The following ASNS variants were observed in gnomAD, a reference collection of about 807,000 sequenced individuals.
ASNS encodes asparagine synthetase [glutamine-hydrolyzing].
In ASNS, 37 loss-of-function variants were observed where a neutral mutation model predicts 62.6. That is an observed-to-expected ratio of 0.59 (90% CI 0.45 to 0.78). The LOEUF (loss-of-function observed/expected upper bound fraction) is 0.78, where lower values mean the gene tolerates loss of function less well. Ranked by LOEUF, ASNS falls within the 30% of genes least tolerant of loss-of-function variation. ASNS has a pLI of 0.00. For missense variants in ASNS, 520 were observed against 682.4 expected (o/e 0.76, Z 2.65); for synonymous variants, 207 against 237.9 (o/e 0.87, Z 1.19).
chr7:97,909,651 G>A, the ASNS span, among the ~76,000 whole-genome samples: 3 of 152,068 alleles, frequency 2.0e-5, no homozygotes, highest in East Asian at 1.9e-4. Flanking sequence ...TACCCACTCC[G>A]CAGAAGTCAG....
chr7:97,866,129 T>A (rs2394741), intron 3 of ASNS, among the ~76,000 whole-genome samples: 1 of 152,088 alleles, frequency 6.6e-6, no homozygotes, highest in African/African-American at 2.4e-5. Flanking sequence ...AACGTGTCTT[T>A]TGCAACTATA....
chr7:97,924,126 C>T, the ASNS span, among the ~76,000 whole-genome samples: 1 of 152,118 alleles, frequency 6.6e-6, no homozygotes, highest in Non-Finnish European at 1.5e-5. Context: ...CAGGGCAACA[C>T]AGCCCGCACT....
At chr7:97,927,081 T>G in the ASNS span, among the ~76,000 whole-genome samples, 13 of 122,986 alleles carry the variant, frequency 1.1e-4, no homozygotes, top group African/African-American at 4.3e-4. Flanking sequence ...CTTTTTTTTT[T>G]TTTTTTTTTT....
At chr7:97,900,240 T>C in the ASNS span, among the ~76,000 whole-genome samples, 1 of 150,824 alleles carries the variant, frequency 6.6e-6, no homozygotes, top group African/African-American at 2.4e-5. Context: ...CAGGTGCCTA[T>C]AATCCCAGCT....
chr7:97,857,879 G>C (rs1469758115), intron 7 of ASNS, among the ~76,000 whole-genome samples: 1 of 151,946 alleles, frequency 6.6e-6, no homozygotes, highest in African/African-American at 2.4e-5. Context: ...AGCCTGGCTA[G>C]TTTTTGTATT....
At chr7:97,873,806 G>A (rs1042633542), upstream of ASNS, among the ~76,000 whole-genome samples, 3 of 144,244 alleles carry the variant, frequency 2.1e-5, no homozygotes, top group Admixed American at 2.1e-4. Context: ...CTTGTGCTGC[G>A]TATCTCCTGC....
chr7:97,917,042 C>T, the ASNS span, among the ~76,000 whole-genome samples: 1 of 152,072 alleles, frequency 6.6e-6, no homozygotes, highest in Non-Finnish European at 1.5e-5. Flanking sequence ...CCTACAGACA[C>T]TTGGAGAGTC....
intron 1 of ASNS, chr7:97,871,923 C>T (rs1197111228): frequency 6.6e-6 from 1 of 152,250 alleles, no homozygotes; most frequent in Non-Finnish European, 1.5e-5. Context: ...CACGCGACAC[C>T]TGACTGCGCC....
upstream of ASNS, among the ~76,000 whole-genome samples, chr7:97,876,215 G>T (rs1792435525): frequency 6.6e-6 from 1 of 152,156 alleles, no homozygotes; most frequent in African/African-American, 2.4e-5. Context: ...AGGACTGTAT[G>T]ATGTGAAGGT....
At chr7:97,897,621 A>G in the ASNS span, among the ~76,000 whole-genome samples, 5 of 152,262 alleles carry the variant, frequency 3.3e-5, no homozygotes, top group African/African-American at 1.2e-4. Flanking sequence ...GCTGGCAAGC[A>G]TGTGAAGAAA....
At chr7:97,866,533 G>A (rs1394552129) in intron 3 of ASNS, among the ~76,000 whole-genome samples, 1 of 152,196 alleles carries the variant, frequency 6.6e-6, no homozygotes, top group African/African-American at 2.4e-5. Flanking sequence ...AGCCATTAAT[G>A]GCAAACTATG....
At chr7:97,890,327 G>T in the ASNS span, among the ~76,000 whole-genome samples, 2 of 152,050 alleles carry the variant, frequency 1.3e-5, no homozygotes, top group Non-Finnish European at 2.9e-5. Context: ...AATGCAGGAA[G>T]CTCAAAGATT....
At chr7:97,909,909 C>T in the ASNS span, among the ~76,000 whole-genome samples, 1 of 152,072 alleles carries the variant, frequency 6.6e-6, no homozygotes, top group South Asian at 2.1e-4. Context: ...CACTTACCAA[C>T]ACACACTGGC....
chr7:97,922,133 G>A, the ASNS span, among the ~76,000 whole-genome samples: 1 of 152,198 alleles, frequency 6.6e-6, no homozygotes, highest in Non-Finnish European at 1.5e-5. Context: ...GGGAGGCTGA[G>A]GCCAGCAGAT....
the ASNS span, among the ~76,000 whole-genome samples, chr7:97,915,014 A>T: frequency 0.054 from 6,999 of 130,310 alleles, no homozygotes; most frequent in African/African-American, 0.11. Context: ...GGCATGGCAG[A>T]CCACAAGATA....
the ASNS span, among the ~76,000 whole-genome samples, chr7:97,920,364 T>C: frequency 0.077 from 11,661 of 151,744 alleles, 932 homozygotes; most frequent in African/African-American, 0.2. Context: ...CCTGGGCCCG[T>C]CCTGCCCCCC....
At chr7:97,919,555 G>A in the ASNS span, among the ~76,000 whole-genome samples, 2 of 152,226 alleles carry the variant, frequency 1.3e-5, no homozygotes, top group Non-Finnish European at 2.9e-5. Context: ...CAAGAGGGCC[G>A]TGCACATGCC....
the ASNS span, among the ~76,000 whole-genome samples, chr7:97,904,284 TCACACACACACA>T: frequency 4.4e-5 from 6 of 135,224 alleles, no homozygotes; most frequent in Admixed American, 1.5e-4. Flanking sequence ...ACTACCAGTT[TCACACACACACA>T]CACACACACA....
At chr7:97,868,073 C>G (rs1792059362) in intron 3 of ASNS, among the ~76,000 whole-genome samples, 1 of 152,152 alleles carries the variant, frequency 6.6e-6, no homozygotes, top group Non-Finnish European at 1.5e-5. Context: ...TTTGAGAGGT[C>G]AAGGTGGGCA....
Sources: allele counts gnomAD v4.1 joint callset (sites outside exome capture counted in the v4.1 genomes callset), GRCh38; gene constraint gnomAD v4.1.1; transcripts MANE v1.5; gene names NCBI Gene and HGNC (gene_info 2026-07-23, HGNC 2026-07-21).